The following EGFR variants were observed in gnomAD, a reference collection of about 807,000 sequenced individuals.
The protein encoded by EGFR is epidermal growth factor receptor, also known as avian erythroblastic leukemia viral (v-erb-b) oncogene homolog.
EGFR carries 58 observed loss-of-function variants against 143.0 expected under a neutral mutation model. That is an observed-to-expected ratio of 0.41 (90% CI 0.33 to 0.50). EGFR has a LOEUF of 0.50. Among genes scored for constraint, EGFR ranks in the 20% least tolerant of loss-of-function variants. EGFR has a pLI of 0.39. For synonymous variants in EGFR, 613 were observed against 594.4 expected (o/e 1.03, Z -0.45); for missense variants, 1,307 against 1,579.0 (o/e 0.83, Z 2.92).
chr7:55,122,619 G>A (rs945067697), intron 1 of EGFR, among the ~76,000 whole-genome samples: 1 of 152,156 alleles, frequency 6.6e-6, no homozygotes, highest in Admixed American at 6.5e-5. Flanking sequence ...TCCCCTCTCT[G>A]TGCCTTCTCA....
intron 1 of EGFR, among the ~76,000 whole-genome samples, chr7:55,082,576 G>A (rs1158996354): frequency 1.3e-5 from 2 of 152,178 alleles, no homozygotes; most frequent in Admixed American, 6.5e-5. Context: ...TGTCTCATAA[G>A]GATTATTACC....
chr7:55,148,120 A>G (rs949086241), intron 4 of EGFR, among the ~76,000 whole-genome samples: 1 of 152,210 alleles, frequency 6.6e-6, no homozygotes, highest in African/African-American at 2.4e-5. Flanking sequence ...TTTTATAGAC[A>G]TATTATTCCA....
At chr7:55,157,638 C>G (rs1434345075) in intron 10 of EGFR, 25 bp from the exon 11 acceptor site, 1 of 1,607,004 alleles carries the variant, frequency 6.2e-7, no homozygotes, top group South Asian at 1.1e-5. Context: ...TGGTGTGTGT[C>G]TGAAGTCTTT....
intron 1 of EGFR, among the ~76,000 whole-genome samples, chr7:55,065,530 T>C (rs1165961499): frequency 6.6e-6 from 1 of 152,230 alleles, no homozygotes; most frequent in East Asian, 1.9e-4. Context: ...CACTAAAAAC[T>C]GACAGCCAGT....
At chr7:55,100,066 G>A (rs1300146898) in intron 1 of EGFR, among the ~76,000 whole-genome samples, 2 of 152,198 alleles carry the variant, frequency 1.3e-5, no homozygotes, top group African/African-American at 4.8e-5. Flanking sequence ...GTCAGTGGTG[G>A]CCACTCTGAA....
At chr7:55,078,250 C>A (rs553383550) in intron 1 of EGFR, among the ~76,000 whole-genome samples, 22 of 152,158 alleles carry the variant, frequency 1.4e-4, no homozygotes, top group African/African-American at 5.3e-4. Flanking sequence ...GGGCCCCGCA[C>A]ACACCCCAAG....
intron 1 of EGFR, among the ~76,000 whole-genome samples, chr7:55,111,336 G>A (rs959352617): frequency 1.4e-4 from 21 of 151,716 alleles, no homozygotes; most frequent in African/African-American, 3.9e-4. Context: ...GCTGCCCAGC[G>A]AGGCAGGTTT....
intron 6 of EGFR, among the ~76,000 whole-genome samples, chr7:55,153,244 C>T (rs555267619): frequency 8.4e-4 from 128 of 152,342 alleles, no homozygotes; most frequent in African/African-American, 3.0e-3. Flanking sequence ...CACTGTCGCC[C>T]CATTGCTCCA....
chr7:55,202,714 C>A lies in EGFR; in HGVS notation c.3271+89C>A, dbSNP rs779340139. Reference sequence around the variant, plus strand: ...GTCTCCAGTGTCCAAGCCAGGTGCTCCCTCCAGCATCTCCAGAGGGGGAAA... The same window carrying A: ...GTCTCCAGTGTCCAAGCCAGGTGCTACCTCCAGCATCTCCAGAGGGGGAAA... On this transcript the variant is annotated intron_variant, in intron 27 of 27. Coordinates refer to ENST00000275493, the MANE Select transcript of EGFR (RefSeq NM_005228.5). The A allele has an allele frequency of 1.2e-5, 14 of 1,188,476 alleles. No individual in the cohort carries two copies. In the African/African-American group the frequency reaches 2.0e-4, roughly 17 times the overall value. The allele number at this position is 1,188,476 out of a possible 1,614,324, so 73.6% of individuals were successfully genotyped here.
chr7:55,146,791 C>T lies in EGFR; in HGVS notation c.559+51C>T, dbSNP rs1464355610. 3.7e-6 allele frequency: 6 copies of T among 1,612,192 alleles called. No individual in the cohort carries two copies. In the South Asian group the frequency reaches 5.5e-5, roughly 15 times the overall value. ...TGCCTCCAGCTCCTATGGGGGACAG[C>T]TCTACAGCACTGGGGCAGGGGAGAG... On this transcript the variant is annotated intron_variant, in intron 4 of 27. Transcript: ENST00000275493.
chr7:55,152,100 G>A (rs1197138320), intron 5 of EGFR, among the ~76,000 whole-genome samples: 3 of 152,160 alleles, frequency 2.0e-5, no homozygotes, highest in Non-Finnish European at 1.5e-5. Flanking sequence ...CCTGCTTTAC[G>A]ATGGAGAGGG....
intron 1 of EGFR, among the ~76,000 whole-genome samples, chr7:55,089,014 G>A (rs909315921): frequency 6.6e-6 from 1 of 152,166 alleles, no homozygotes; most frequent in Non-Finnish European, 1.5e-5. Context: ...AAGAGTTGTG[G>A]AAGAATCCTT....
intron 15 of EGFR, 41 bp from the exon 16 acceptor site, chr7:55,171,134 T>G (rs371217062): frequency 6.2e-7 from 1 of 1,613,398 alleles, no homozygotes; most frequent in African/African-American, 1.3e-5. Flanking sequence ...GCCAAAGAAG[T>G]AGAATGAGAA....
chr7:55,025,556 G>T (rs1040039302), intron 1 of EGFR, among the ~76,000 whole-genome samples: 1 of 152,174 alleles, frequency 6.6e-6, no homozygotes, highest in African/African-American at 2.4e-5. Flanking sequence ...TGAGCTTGAA[G>T]TGCTCAGATG....
At chr7:55,126,346 C>G (rs1432482810) in intron 1 of EGFR, among the ~76,000 whole-genome samples, 1 of 152,252 alleles carries the variant, frequency 6.6e-6, no homozygotes, top group East Asian at 1.9e-4. Context: ...ACAACAGCAA[C>G]CACTTACATG....
intron 22 of EGFR, among the ~76,000 whole-genome samples, chr7:55,198,022 T>A (rs1258021996): frequency 6.6e-6 from 1 of 152,154 alleles, no homozygotes; most frequent in Non-Finnish European, 1.5e-5. Flanking sequence ...ATAGAATGAG[T>A]TAAGGAAGAG....
chr7:55,100,133 T>G (rs1791717357), intron 1 of EGFR, among the ~76,000 whole-genome samples: 1 of 152,228 alleles, frequency 6.6e-6, no homozygotes, highest in South Asian at 2.1e-4. Flanking sequence ...GAGACTGTGG[T>G]GGCTTTGCCT....
intron 1 of EGFR, among the ~76,000 whole-genome samples, chr7:55,074,166 G>A (rs1341546561): frequency 6.6e-6 from 1 of 152,166 alleles, no homozygotes; most frequent in Non-Finnish European, 1.5e-5. Flanking sequence ...TATTAACCTT[G>A]TGAGAAAACA....
chr7:55,171,300 T>G lies in EGFR; in HGVS notation c.1919+87T>G, dbSNP rs536222640. 2.0e-5 allele frequency: 31 copies of G among 1,554,890 alleles called. No homozygotes were observed. The East Asian group carries it at 6.7e-4, about 34-fold the overall frequency. ...GAAGATGCTTTCCTGCATTTCTGAC[T>G]GTCCTCTGTCCTGATCAAGTTTCTA... is the stretch of plus-strand genomic sequence containing the variant. On this transcript the variant is annotated intron_variant, in intron 16 of 27. Transcript: ENST00000275493.
Sources: gnomAD v4.1 joint callset for allele counts (sites outside exome capture counted in the v4.1 genomes callset) on GRCh38, gnomAD v4.1.1 for gene constraint, MANE v1.5 for transcripts, NCBI Gene and HGNC (gene_info 2026-07-23, HGNC 2026-07-21) for gene names.